NT5DC1: variants seen among roughly 807,000 people sequenced by gnomAD.
NT5DC1 encodes the protein 5'-nucleotidase domain containing 1.
Under a neutral mutation model 59.4 loss-of-function variants are expected in NT5DC1, and 42 were observed. The ratio of observed to expected loss-of-function variants is 0.71; its 90% CI spans 0.55 to 0.92. The LOEUF is 0.92. Among genes scored for constraint, NT5DC1 ranks in the 40% least tolerant of loss-of-function variants. The pLI, the probability that NT5DC1 is intolerant of heterozygous loss-of-function variation, is 0.00. For synonymous variants in NT5DC1, 172 were observed against 188.1 expected (o/e 0.91, Z 0.70); for missense variants, 501 against 537.1 (o/e 0.93, Z 0.66).
intron 6 of NT5DC1, among the ~76,000 whole-genome samples, chr6:116,172,263 G>C (rs530731963): frequency 2.0e-5 from 3 of 148,726 alleles, no homozygotes; most frequent in South Asian, 4.3e-4. Context: ...TATTAGATAA[G>C]TATATTATTA....
Position 116,247,970 on chromosome 6 carries a change from G to GTTA in NT5DC1, c.*3947_*3949dup, listed in dbSNP as rs1367111373. On this transcript the variant is annotated 3_prime_UTR_variant, in exon 12 of 12. Transcript: ENST00000319550. ...TCATTCATGTGCAGCAAACATCAAG[G>GTTA]TTACATAAGTAAATTCAAATGTGTC... The GTTA allele has an allele frequency of 6.6e-6, 1 of 152,164 alleles. No homozygotes were observed. The highest frequency in any genetic ancestry group is 1.5e-5 in the Non-Finnish European group (1 of 68,016). 9.4% of individuals were successfully genotyped at this position (152,164 alleles called of 1,614,324 possible).
rs1486731692 is a variant in NT5DC1 at position 116,223,117 on chromosome 6, C to T, written c.788C>T (p.Pro263Leu). 6.3e-7 allele frequency: 1 copy of T among 1,581,788 alleles called. No individual in the cohort carries two copies. ...GFFSHLPSQR[P>L]FRTLENDEEQ... is the part of the protein sequence containing the mutation. ...TTCTCCCACTTACCAAGTCAGAGAC[C>T]TTTCCGGACACTCGGTAAGTTACAT... Residue 263 changes from proline (P) to leucine (L), a missense_variant, in exon 8 of 12, where the codon CCT (proline) becomes CTT (leucine). Coordinates refer to ENST00000319550, the MANE Select transcript of NT5DC1 (RefSeq NM_152729.3).
intron 6 of NT5DC1, among the ~76,000 whole-genome samples, chr6:116,217,884 A>ATT (rs1283588661): frequency 6.6e-6 from 1 of 152,160 alleles, no homozygotes. Context: ...ACCTTGACTT[A>ATT]TTTCAATAAA....
chr6:116,206,289 T>C (rs1309151006), intron 6 of NT5DC1, among the ~76,000 whole-genome samples: 1 of 152,002 alleles, frequency 6.6e-6, no homozygotes, highest in East Asian at 1.9e-4. Context: ...AAATTTTTAC[T>C]ATGTGTAAAG....
At chr6:116,156,419 C>G (rs1780194930) in intron 6 of NT5DC1, among the ~76,000 whole-genome samples, 1 of 152,082 alleles carries the variant, frequency 6.6e-6, no homozygotes, top group South Asian at 2.1e-4. Flanking sequence ...AAAATGTGTT[C>G]CATTATCTTT....
At chr6:116,130,360 A>AT (rs1779428956) in intron 6 of NT5DC1, among the ~76,000 whole-genome samples, 2 of 152,036 alleles carry the variant, frequency 1.3e-5, no homozygotes, top group South Asian at 4.2e-4. Context: ...TAATCTTACT[A>AT]TTGTTCAGAA....
intron 6 of NT5DC1, among the ~76,000 whole-genome samples, chr6:116,178,596 A>G (rs1780803756): frequency 6.6e-6 from 1 of 152,212 alleles, no homozygotes; most frequent in Non-Finnish European, 1.5e-5. Context: ...AAGTGTTCCC[A>G]CCTTTTACTC....
intron 6 of NT5DC1, among the ~76,000 whole-genome samples, chr6:116,179,544 G>A (rs548069327): frequency 2.6e-4 from 39 of 152,134 alleles, no homozygotes; most frequent in African/African-American, 8.9e-4. Flanking sequence ...AATGCTCAAC[G>A]TCACTAATGA....
intron 6 of NT5DC1, among the ~76,000 whole-genome samples, chr6:116,148,845 T>G (rs1779962898): frequency 6.6e-6 from 1 of 152,136 alleles, no homozygotes; most frequent in Non-Finnish European, 1.5e-5. Flanking sequence ...AAGTAAAGCA[T>G]AACAGGGAAA....
intron 6 of NT5DC1, among the ~76,000 whole-genome samples, chr6:116,213,158 G>T (rs1040001143): frequency 6.6e-6 from 1 of 151,946 alleles, no homozygotes; most frequent in Non-Finnish European, 1.5e-5. Context: ...ATGGATTCTG[G>T]GCTTAGTTGG....
chr6:116,134,045 A>G (rs535571479), intron 6 of NT5DC1, among the ~76,000 whole-genome samples: 1 of 152,332 alleles, frequency 6.6e-6, no homozygotes, highest in East Asian at 1.9e-4. Flanking sequence ...ACATGCTGTC[A>G]TCTTCCCCTA....
At chr6:116,131,648 T>C (rs936786250) in intron 6 of NT5DC1, among the ~76,000 whole-genome samples, 7 of 152,198 alleles carry the variant, frequency 4.6e-5, no homozygotes, top group Non-Finnish European at 8.8e-5. Context: ...ATCTGTGTTA[T>C]TTCCTGTCTT....
chr6:116,114,475 C>T (rs551179788), intron 4 of NT5DC1, among the ~76,000 whole-genome samples: 20 of 136,714 alleles, frequency 1.5e-4, no homozygotes, highest in Middle Eastern at 4.6e-3. Context: ...GCCCAGTCAA[C>T]GCTAAAGAAC....
intron 8 of NT5DC1, among the ~76,000 whole-genome samples, chr6:116,228,693 A>G (rs1203208033): frequency 2.0e-5 from 3 of 152,192 alleles, no homozygotes; most frequent in African/African-American, 7.2e-5. Context: ...TGCGAGAACT[A>G]TTACTAATTA....
rs1771810708 is a variant in NT5DC1 at position 116,244,823 on chromosome 6, T to C, written c.*799T>C. 1 of 152,254 alleles carries C rather than the reference T, an allele frequency of 6.6e-6. No individual in the cohort carries two copies. The highest frequency in any genetic ancestry group is 6.5e-5 in the Admixed American group (1 of 15,282). 9.4% of individuals were successfully genotyped at this position (152,254 alleles called of 1,614,324 possible). On this transcript the variant is annotated 3_prime_UTR_variant, in exon 12 of 12. Transcript: ENST00000319550. The stretch of plus-strand genomic sequence containing the variant: ...AAGTCAACTATCTCAACCTCCATTG[T>C]TACCCACTAGGTTTTTTTCTAATAA...
intron 4 of NT5DC1, among the ~76,000 whole-genome samples, chr6:116,111,938 T>C (rs1192154320): frequency 2.0e-5 from 3 of 152,178 alleles, no homozygotes; most frequent in African/African-American, 2.4e-5. Context: ...TCTCCAGATG[T>C]TGGCAGGTGT....
chr6:116,182,430 G>A (rs999566925), intron 6 of NT5DC1, among the ~76,000 whole-genome samples: 1 of 152,006 alleles, frequency 6.6e-6, no homozygotes, highest in Non-Finnish European at 1.5e-5. Flanking sequence ...TCAAATGGTA[G>A]ATCTACTTTT....
intron 11 of NT5DC1, 34 bp from the exon 12 acceptor site, chr6:116,243,875 C>A: frequency 1.3e-6 from 1 of 784,910 alleles, no homozygotes; most frequent in East Asian, 2.5e-5. Context: ...ATTCAGAGAC[C>A]TGTGCAATAA....
chr6:116,121,571 G>A lies in NT5DC1; in HGVS notation c.529+3626G>A, dbSNP rs1021780104. On this transcript the variant is annotated intron_variant, in intron 6 of 11. Transcript: ENST00000319550. ...TTCCCCTTTCTGTCCATTCATACCA[G>A]GGACTCCTGGTGCACCCTTTTCTCC... The A allele has an allele frequency of 2.5e-6, 4 of 1,613,958 alleles. No individual in the cohort carries two copies. The highest frequency in any genetic ancestry group is 2.7e-5 in the African/African-American group (2 of 74,878).
Sources: allele counts gnomAD v4.1 joint callset (sites outside exome capture counted in the v4.1 genomes callset), GRCh38; gene constraint gnomAD v4.1.1; transcripts MANE v1.5; gene names NCBI Gene and HGNC (gene_info 2026-07-23, HGNC 2026-07-21).